Variants in SLCO5A1 observed in about 807,000 individuals in gnomAD.
The protein encoded by SLCO5A1 is organic anion transporter polypeptide-related protein 4.
In SLCO5A1, 39 loss-of-function variants were observed where a neutral mutation model predicts 65.1. The ratio of observed to expected loss-of-function variants is 0.60; its 90% confidence interval spans 0.46 to 0.78. The LOEUF (loss-of-function observed/expected upper bound fraction) is 0.78, where lower values mean the gene tolerates loss of function less well. SLCO5A1 is among the 30% of genes least tolerant of loss of function. The pLI is 0.00. For missense variants in SLCO5A1, 1,029 were observed against 1,069.4 expected (o/e 0.96, Z 0.53); for synonymous variants, 438 against 415.7 (o/e 1.05, Z -0.65).
chr8:69,746,986 G>T (rs1187749152), intron 4 of SLCO5A1, among the ~76,000 whole-genome samples: 1 of 152,068 alleles, frequency 6.6e-6, no homozygotes, highest in East Asian at 1.9e-4. Context: ...CCCAGGGTCA[G>T]GTACCAGACA....
chr8:69,740,946 T>C (rs1337535354), intron 4 of SLCO5A1, among the ~76,000 whole-genome samples: 2 of 152,226 alleles, frequency 1.3e-5, no homozygotes, highest in East Asian at 3.8e-4. Flanking sequence ...TAAAATTTAT[T>C]TGTAACCCCA....
At chr8:69,689,022 T>C (rs1264098409) in intron 6 of SLCO5A1, among the ~76,000 whole-genome samples, 1 of 147,290 alleles carries the variant, frequency 6.8e-6, no homozygotes, top group East Asian at 2.0e-4. Context: ...TTTTTAATGA[T>C]TGCCATTCTA....
In SLCO5A1 at chr8:69,779,698, A is replaced by G. The variant is rs72660166; in HGVS notation, c.908-17823T>C. 5.6e-3 allele frequency among the ~76,000 whole-genome samples: 848 copies of G among 152,310 alleles called. 5 individuals carry two copies. Among genetic ancestry groups the G allele is most frequent in the South Asian group, 0.029 (138 of 4,826 alleles). ...AGGAGATAGGCAATTAGTAAGTGGTAGAACCCAAATTAGAACTTAACTCTG... is the reference window on the plus strand; with the variant it reads ...AGGAGATAGGCAATTAGTAAGTGGTGGAACCCAAATTAGAACTTAACTCTG... On this transcript the variant is annotated intron_variant, in intron 2 of 9. Coordinates refer to ENST00000260126, the MANE Select transcript of SLCO5A1 (RefSeq NM_030958.3).
chr8:69,754,970 C>T (rs796860038), intron 4 of SLCO5A1, among the ~76,000 whole-genome samples: 30 of 152,134 alleles, frequency 2.0e-4, no homozygotes, highest in African/African-American at 5.1e-4. Context: ...CCACTATTCC[C>T]CTGAAATAAA....
chr8:69,674,874 A>AC (rs1563653785), intron 9 of SLCO5A1, among the ~76,000 whole-genome samples: 4 of 147,458 alleles, frequency 2.7e-5, no homozygotes, highest in South Asian at 2.1e-4. Context: ...AAAAAACAAA[A>AC]AAAAAAAATG....
In SLCO5A1 at chr8:69,672,942, A is replaced by G; in HGVS notation, c.2474T>C (p.Phe825Ser). Reference protein sequence around the residue: ...QCAAQTYPGPFPEAISSSADP... With the variant: ...QCAAQTYPGPSPEAISSSADP... ...CGCAGAGGAACTTATTGCTTCTGGG[A>G]AGGGCCCCGGGTAGGTCTGTGCTGC... The change falls in exon 10 of 10, where the codon TTC (phenylalanine) becomes TCC (serine). Residue 825 changes from phenylalanine to serine, a missense_variant. Coordinates refer to ENST00000260126, the MANE Select transcript of SLCO5A1 (RefSeq NM_030958.3). 1 of 1,614,186 alleles carries G rather than the reference A, an allele frequency of 6.2e-7. No homozygotes were observed. Among genetic ancestry groups the G allele is most frequent in the Non-Finnish European group, 8.5e-7 (1 of 1,180,016 alleles).
intron 2 of SLCO5A1, among the ~76,000 whole-genome samples, chr8:69,821,756 T>A (rs2130920656): frequency 7.0e-6 from 1 of 143,522 alleles, no homozygotes; most frequent in Non-Finnish European, 1.5e-5. Flanking sequence ...TAGTGAGCCA[T>A]AATTACACCA....
chr8:69,830,262 TTA>T (rs914658498), intron 2 of SLCO5A1, among the ~76,000 whole-genome samples: 1 of 152,190 alleles, frequency 6.6e-6, no homozygotes. Flanking sequence ...TGGATATCAT[TTA>T]CACCGTCCTT....
intron 5 of SLCO5A1, among the ~76,000 whole-genome samples, chr8:69,724,661 A>G (rs1815982803): frequency 6.6e-6 from 1 of 152,218 alleles, no homozygotes; most frequent in Admixed American, 6.5e-5. Context: ...ATGTCTAAGC[A>G]CGTTTCATTC....
At chr8:69,759,234 C>A (rs1202524311) in intron 3 of SLCO5A1, among the ~76,000 whole-genome samples, 2 of 152,160 alleles carry the variant, frequency 1.3e-5, no homozygotes, top group Non-Finnish European at 2.9e-5. Context: ...ATAACTATGT[C>A]TTTGTTCAAG....
At chr8:69,751,885 C>T (rs757075269) in intron 4 of SLCO5A1, among the ~76,000 whole-genome samples, 2 of 152,180 alleles carry the variant, frequency 1.3e-5, no homozygotes, top group African/African-American at 2.4e-5. Context: ...TTACCAACTT[C>T]TACCTCCTCT....
chr8:69,682,182 A>G lies in SLCO5A1; in HGVS notation c.1782+2T>C. On this transcript the variant is annotated splice_donor_variant, in intron 7 of 9. Transcript: ENST00000260126. LOFTEE classifies it high-confidence loss of function. The stretch of plus-strand genomic sequence containing the variant: ...GAAGAGGAACTTGTGAAATATACTC[A>G]CCCCAGTGCTAAGATTACCACTATT... 1 of 1,604,074 alleles carries G rather than the reference A, an allele frequency of 6.2e-7. No homozygotes were observed.
chr8:69,703,883 A>C (rs561129511), intron 6 of SLCO5A1, among the ~76,000 whole-genome samples: 4 of 152,384 alleles, frequency 2.6e-5, no homozygotes, highest in Admixed American at 2.6e-4. Context: ...ACTATTATCA[A>C]TGCTCTTGCC....
At chr8:69,783,131 T>C (rs1315085842) in intron 2 of SLCO5A1, among the ~76,000 whole-genome samples, 1 of 152,168 alleles carries the variant, frequency 6.6e-6, no homozygotes, top group Admixed American at 6.5e-5. Context: ...TATTGTTACT[T>C]CTATTATTAT....
Position 69,761,996 on chromosome 8 carries a change from G to A in SLCO5A1, c.908-121C>T, listed in dbSNP as rs115887600. The A allele has an allele frequency of 1.8e-3, 2,134 of 1,154,756 alleles. 25 individuals are homozygous for A. In the African/African-American group the frequency reaches 0.029, roughly 15 times the overall value. 71.5% of individuals were successfully genotyped at this position (1,154,756 alleles called of 1,614,324 possible). On this transcript the variant is annotated intron_variant, in intron 2 of 9. Coordinates refer to ENST00000260126, the MANE Select transcript of SLCO5A1 (RefSeq NM_030958.3). ...TTCAATCCAGTTAACTTCCAAAAACGGAGACCTTTGGAGATTTGTGTCCAT... is the reference window on the plus strand; with the variant it reads ...TTCAATCCAGTTAACTTCCAAAAACAGAGACCTTTGGAGATTTGTGTCCAT...
intron 9 of SLCO5A1, among the ~76,000 whole-genome samples, chr8:69,676,006 A>AC (rs1376704463): frequency 6.6e-6 from 1 of 152,146 alleles, no homozygotes; most frequent in African/African-American, 2.4e-5. Flanking sequence ...TAAAAATAAG[A>AC]CCTATGTTCC....
chr8:69,811,174 G>A (rs1274086463), intron 2 of SLCO5A1, among the ~76,000 whole-genome samples: 3 of 152,128 alleles, frequency 2.0e-5, no homozygotes, highest in African/African-American at 7.2e-5. Flanking sequence ...CTTGCTGGTT[G>A]GAGACATAAT....
intron 2 of SLCO5A1, among the ~76,000 whole-genome samples, chr8:69,809,086 AG>A (rs1309870053): frequency 6.6e-6 from 1 of 152,232 alleles, no homozygotes; most frequent in Non-Finnish European, 1.5e-5. Flanking sequence ...CCTGGACAAG[AG>A]AGCAACTCTG....
intron 2 of SLCO5A1, among the ~76,000 whole-genome samples, chr8:69,813,091 GGTCC>G (rs1315016253): frequency 1.3e-5 from 2 of 152,094 alleles, no homozygotes; most frequent in Non-Finnish European, 2.9e-5. Context: ...GAGGATTGTT[GGTCC>G]GTCATTACAC....
Sources: allele counts gnomAD v4.1 joint callset (sites outside exome capture counted in the v4.1 genomes callset), GRCh38; gene constraint gnomAD v4.1.1; transcripts MANE v1.5; gene names NCBI Gene and HGNC (gene_info 2026-07-23, HGNC 2026-07-21).